The following NRP1 variants were observed in gnomAD, a reference collection of about 807,000 sequenced individuals.
The protein encoded by NRP1 is neuropilin-1.
Under a neutral mutation model 106.7 loss-of-function variants are expected in NRP1, and 35 were observed. The ratio of observed to expected loss-of-function variants is 0.33; its 90% CI spans 0.25 to 0.43. NRP1 has a LOEUF of 0.43. NRP1 is among the 20% of genes least tolerant of loss of function. The probability of loss-of-function intolerance (pLI) is 1.00; values close to 1 mark genes in which losing one functional copy is unlikely to be tolerated. For missense variants in NRP1, 1,024 were observed against 1,170.4 expected, an observed-to-expected ratio of 0.87 and a Z score of 1.83; for synonymous variants, 437 against 417.9, an observed-to-expected ratio of 1.05 and a Z score of -0.56.
chr10:33,248,739 T>C (rs1275942427), intron 6 of NRP1, among the ~76,000 whole-genome samples: 1 of 150,612 alleles, frequency 6.6e-6, no homozygotes, highest in Non-Finnish European at 1.5e-5. Flanking sequence ...GGCTCTTGCC[T>C]CAAGGGTTTG....
At chr10:33,283,779 G>T (rs1010042945) in intron 2 of NRP1, among the ~76,000 whole-genome samples, 14 of 152,310 alleles carry the variant, frequency 9.2e-5, no homozygotes, top group Admixed American at 5.9e-4. Context: ...GTAATTGTGT[G>T]TTTAGAAGAA....
intron 4 of NRP1, among the ~76,000 whole-genome samples, chr10:33,257,952 T>C (rs1042455295): frequency 6.6e-6 from 1 of 152,190 alleles, no homozygotes; most frequent in Non-Finnish European, 1.5e-5. Flanking sequence ...CAACTAAGAA[T>C]GATTGCTTTG....
chr10:33,258,901 C>T (rs1305643663), intron 4 of NRP1, among the ~76,000 whole-genome samples: 1 of 152,218 alleles, frequency 6.6e-6, no homozygotes, highest in Non-Finnish European at 1.5e-5. Flanking sequence ...AGAGTCCACT[C>T]AGACTTCCTC....
chr10:33,289,453 C>A (rs1844825893), intron 2 of NRP1, among the ~76,000 whole-genome samples: 2 of 152,276 alleles, frequency 1.3e-5, no homozygotes, highest in South Asian at 4.1e-4. Context: ...AGTGATAACT[C>A]TAATGAGGTC....
At chr10:33,292,184 C>T (rs61843224) in intron 2 of NRP1, among the ~76,000 whole-genome samples, 4,590 of 152,294 alleles carry the variant, frequency 0.03, 84 homozygotes, top group Non-Finnish European at 0.046. Context: ...GCATGAGTCA[C>T]GGTGCCCAGC....
rs139044889 is a variant in NRP1 at position 33,248,013 on chromosome 10, C to T, written c.981+6015G>A. Among the ~76,000 whole-genome samples, 140 of 152,290 alleles carry T rather than the reference C, an allele frequency of 9.2e-4. No individual in the cohort carries two copies. In the Middle Eastern group the frequency reaches 0.017, roughly 18 times the overall value. ...TATATAAAAAGTGCTTTTGGCCAGGCGTGGTGGCTCATGTCTGTAATCCCA... is the reference window on the plus strand; with the variant it reads ...TATATAAAAAGTGCTTTTGGCCAGGTGTGGTGGCTCATGTCTGTAATCCCA... On this transcript the variant is annotated intron_variant, in intron 6 of 16. Transcript: ENST00000374867.
In NRP1 at chr10:33,180,389, T is replaced by C. The variant is rs756137040; in HGVS notation, c.2483-24A>G. Reference sequence around the variant, plus strand: ...CCCTATGGAAAAAAACAATATTGTCTCCGTGAGCACCGCCAACAGACCAGA... The same window carrying C: ...CCCTATGGAAAAAAACAATATTGTCCCCGTGAGCACCGCCAACAGACCAGA... On this transcript the variant is annotated intron_variant, in intron 16 of 16. Transcript: ENST00000374867. 22 of 1,551,654 alleles carry C rather than the reference T, an allele frequency of 1.4e-5. No homozygotes were observed. In the South Asian group the frequency reaches 1.5e-4, roughly 10 times the overall value.
At chr10:33,229,431 A>C (rs545822142) in intron 6 of NRP1, among the ~76,000 whole-genome samples, 34 of 152,290 alleles carry the variant, frequency 2.2e-4, no homozygotes, top group African/African-American at 7.9e-4. Context: ...AGCTACTTTC[A>C]AGCTGAAGGG....
chr10:33,320,239 G>C (rs1314836261), intron 2 of NRP1, among the ~76,000 whole-genome samples: 1 of 151,870 alleles, frequency 6.6e-6, no homozygotes, highest in Non-Finnish European at 1.5e-5. Context: ...CTGGAACCCA[G>C]GAGGCTGAGG....
chr10:33,307,946 C>G (rs1351223144), intron 2 of NRP1, among the ~76,000 whole-genome samples: 1 of 151,932 alleles, frequency 6.6e-6, no homozygotes, highest in African/African-American at 2.4e-5. Flanking sequence ...TTAGCAATAG[C>G]AAATACATGG....
At chr10:33,293,894 G>A (rs1047725858) in intron 2 of NRP1, among the ~76,000 whole-genome samples, 3 of 152,150 alleles carry the variant, frequency 2.0e-5, no homozygotes, top group South Asian at 2.1e-4. Context: ...CATACTCAAC[G>A]TGAATTCTTT....
chr10:33,275,640 G>A (rs1319874277), intron 2 of NRP1, among the ~76,000 whole-genome samples: 1 of 151,646 alleles, frequency 6.6e-6, no homozygotes, highest in Non-Finnish European at 1.5e-5. Flanking sequence ...GCTCACACCT[G>A]TAATTCCAGT....
chr10:33,233,287 C>T (rs1210365237), intron 6 of NRP1, among the ~76,000 whole-genome samples: 1 of 152,172 alleles, frequency 6.6e-6, no homozygotes, highest in Non-Finnish European at 1.5e-5. Context: ...TTCTACCATG[C>T]TCCCAACTTA....
At chr10:33,256,565 C>G in intron 4 of NRP1, 94 bp from the exon 5 acceptor site, 3 of 1,382,080 alleles carry the variant, frequency 2.2e-6, no homozygotes, top group Non-Finnish European at 3.0e-6. Context: ...CCAGTAGAAC[C>G]CAGAAGTGTT....
intron 2 of NRP1, among the ~76,000 whole-genome samples, chr10:33,308,993 G>A (rs962697826): frequency 2.0e-5 from 3 of 151,976 alleles, no homozygotes; most frequent in Admixed American, 2.0e-4. Context: ...CCCAAATAAA[G>A]TTAGTACCCA....
chr10:33,196,289 A>G (rs1836778474), intron 12 of NRP1, among the ~76,000 whole-genome samples: 1 of 152,164 alleles, frequency 6.6e-6, no homozygotes, highest in African/African-American at 2.4e-5. Context: ...AGAAACTGCA[A>G]CAACAGCTAA....
chr10:33,202,921 T>A lies in NRP1; in HGVS notation c.1834A>T (p.Ser612Cys), dbSNP rs776830169. 1.2e-6 allele frequency: 2 copies of A among 1,614,254 alleles called. No homozygotes were observed. Among genetic ancestry groups the A allele is most frequent in the South Asian group, 2.2e-5 (2 of 91,090 alleles). ...AGCTGGAAGTCATCACCTGTTCCAC[T>A]GTGGCAGTTGGCCTGGTCGTCATCA... ...ECDDDQANCH[S>C]GTGDDFQLTG... Residue 612 changes from serine to cysteine, a missense_variant, in exon 11 of 17, where the codon AGT (serine) becomes TGT (cysteine). Physicochemically the swap from Ser to Cys is moderately radical, Grantham distance 112. This residue lies in a region of NRP1 where 562 missense variants were observed against 620.3 expected (regional missense o/e 0.91). Coordinates refer to ENST00000374867, the MANE Select transcript of NRP1 (RefSeq NM_003873.7).
rs539297962 is a variant in NRP1, at chr10:33,331,405, A to G, written c.74-523T>C. Among the ~76,000 whole-genome samples, 7 of 152,356 alleles carry G rather than the reference A, an allele frequency of 4.6e-5. No individual in the cohort carries two copies. In the East Asian group the frequency reaches 5.8e-4, roughly 13 times the overall value. On this transcript the variant is annotated intron_variant, in intron 1 of 16. Transcript: ENST00000374867. Reference sequence around the variant, plus strand: ...TTTGTTGTTGTTGTTTTATCTGCCCATAAATCTAAGTGATTTTGAGTTATC... The same window carrying G: ...TTTGTTGTTGTTGTTTTATCTGCCCGTAAATCTAAGTGATTTTGAGTTATC...
intron 6 of NRP1, among the ~76,000 whole-genome samples, chr10:33,240,929 A>G (rs563510278): frequency 1.1e-4 from 17 of 152,370 alleles, no homozygotes; most frequent in Middle Eastern, 6.8e-3. Flanking sequence ...TTCTCAATTT[A>G]ATATTTGGTC....
Sources: gnomAD v4.1 joint callset for allele counts (sites outside exome capture counted in the v4.1 genomes callset) on GRCh38, gnomAD v4.1.1 for gene constraint, gnomAD v4.1.1 regional missense constraint, MANE v1.5 for transcripts, NCBI Gene and HGNC (gene_info 2026-07-23, HGNC 2026-07-21) for gene names.